The following PHLPP2 variants were observed in gnomAD, a reference collection of about 807,000 sequenced individuals.
The protein encoded by PHLPP2 is PH domain and leucine rich repeat protein phosphatase 2.
A neutral mutation model predicts 124.9 loss-of-function variants in PHLPP2; 66 were observed. The ratio of observed to expected loss-of-function variants is 0.53; its 90% CI spans 0.43 to 0.65. The LOEUF is 0.65. Ranked by LOEUF, PHLPP2 falls within the 30% of genes least tolerant of loss-of-function variation. PHLPP2 has a pLI of 0.00. For missense variants in PHLPP2, 1,685 were observed against 1,600.4 expected (o/e 1.05, Z -0.90); for synonymous variants, 681 against 624.7 (o/e 1.09, Z -1.34).
intron 3 of PHLPP2, among the ~76,000 whole-genome samples, chr16:71,691,261 T>A (rs1010575629): frequency 6.6e-6 from 1 of 152,050 alleles, no homozygotes; most frequent in Admixed American, 6.6e-5. Flanking sequence ...GAGACCATCC[T>A]GGCTAGCACG....
intron 8 of PHLPP2, chr16:71,677,636 A>G (rs993990480): frequency 6.6e-6 from 1 of 151,768 alleles, no homozygotes; most frequent in Non-Finnish European, 1.5e-5. Flanking sequence ...TTTAAAAAAA[A>G]AAAAAAACTC....
chr16:71,688,997 T>C lies in PHLPP2; in HGVS notation c.609+1522A>G, dbSNP rs182204687. 2.6e-5 allele frequency among the ~76,000 whole-genome samples: 4 copies of C among 152,292 alleles called. No individual in the cohort carries two copies. The East Asian group carries it at 5.8e-4, about 22-fold the overall frequency. On this transcript the variant is annotated intron_variant, in intron 4 of 18. Transcript: ENST00000568954. ...AATGGCAGTTATTGTTTTAGCTTTC[T>C]TGCAGAAACAAAAGATACCAACCAG... is the stretch of plus-strand genomic sequence containing the variant.
intron 3 of PHLPP2, among the ~76,000 whole-genome samples, chr16:71,696,755 G>T: frequency 6.6e-6 from 1 of 151,280 alleles, no homozygotes; most frequent in Non-Finnish European, 1.5e-5. Context: ...TTATATTTTT[G>T]CCACTTTCGT....
chr16:71,717,906 T>C, intron 1 of PHLPP2, among the ~76,000 whole-genome samples: 1 of 152,146 alleles, frequency 6.6e-6, no homozygotes, highest in East Asian at 1.9e-4. Flanking sequence ...GTTTTGTTTG[T>C]TTTGAGACAC....
At chr16:71,654,317 A>C (rs1036413322) in intron 17 of PHLPP2, among the ~76,000 whole-genome samples, 9 of 151,602 alleles carry the variant, frequency 5.9e-5, no homozygotes, top group Admixed American at 2.0e-4. Flanking sequence ...TTATCGGTCC[A>C]CCTGACATGC....
chr16:71,716,272 C>A (rs1451658108), intron 1 of PHLPP2, among the ~76,000 whole-genome samples: 1 of 152,174 alleles, frequency 6.6e-6, no homozygotes, highest in African/African-American at 2.4e-5. Context: ...CATTTTTGTA[C>A]ATGTCTCCTT....
At chr16:71,685,892 G>A (rs2045050918) in intron 4 of PHLPP2, among the ~76,000 whole-genome samples, 1 of 151,978 alleles carries the variant, frequency 6.6e-6, no homozygotes, top group Non-Finnish European at 1.5e-5. Context: ...ATATAACTTT[G>A]GAATTATTAA....
Position 71,724,597 on chromosome 16 carries a change from G to C in PHLPP2, c.-275C>G, listed in dbSNP as rs2045421105. The C allele has an allele frequency of 6.6e-6, 1 of 152,094 alleles. No homozygotes were observed. The highest frequency in any genetic ancestry group is 2.1e-4 in the South Asian group (1 of 4,818). The allele number at this position is 152,094 out of a possible 1,614,324, so 9.4% of individuals were successfully genotyped here. A position where few individuals can be genotyped will look rare whatever the true frequency, so the allele number is the denominator to read the frequency against. On this transcript the variant is annotated 5_prime_UTR_variant, in exon 1 of 19. Coordinates refer to ENST00000568954, the MANE Select transcript of PHLPP2 (RefSeq NM_015020.3). ...TTTTCTTTGTTTTGTTTTTCTTTTC[G>C]TTCTCGCAGTGATAGTAGTTTTGTT... is the stretch of plus-strand genomic sequence containing the variant.
intron 17 of PHLPP2, among the ~76,000 whole-genome samples, chr16:71,654,624 G>A (rs1006738261): frequency 1.5e-4 from 23 of 152,150 alleles, no homozygotes; most frequent in Admixed American, 1.2e-3. Flanking sequence ...TGGGGTAAGC[G>A]TTCTGAGCAC....
chr16:71,686,428 C>G (rs1405113316), intron 4 of PHLPP2, among the ~76,000 whole-genome samples: 1 of 152,118 alleles, frequency 6.6e-6, no homozygotes, highest in Non-Finnish European at 1.5e-5. Flanking sequence ...CCTGCCTCAG[C>G]CTCCCAAAGT....
chr16:71,661,307 G>A (rs2044788190), intron 13 of PHLPP2, among the ~76,000 whole-genome samples: 2 of 152,112 alleles, frequency 1.3e-5, no homozygotes, highest in South Asian at 2.1e-4. Flanking sequence ...CTGATCTCAC[G>A]TGATCCACCC....
At chr16:71,674,232 C>T (rs2044923012) in intron 9 of PHLPP2, among the ~76,000 whole-genome samples, 1 of 152,116 alleles carries the variant, frequency 6.6e-6, no homozygotes, top group South Asian at 2.1e-4. Context: ...CACGCGCCAC[C>T]ATGCCCAGCT....
chr16:71,659,877 A>G (rs1328258317), intron 13 of PHLPP2, among the ~76,000 whole-genome samples: 1 of 152,230 alleles, frequency 6.6e-6, no homozygotes, highest in Non-Finnish European at 1.5e-5. Context: ...AATCTGAAAG[A>G]ATCACTTTTA....
At chr16:71,679,865 G>A (rs1237486815) in intron 6 of PHLPP2, among the ~76,000 whole-genome samples, 3 of 152,140 alleles carry the variant, frequency 2.0e-5, no homozygotes, top group South Asian at 2.1e-4. Flanking sequence ...GGTGGATCAC[G>A]AGGTTAGGAG....
At chr16:71,659,120 G>C (rs903679144) in intron 13 of PHLPP2, among the ~76,000 whole-genome samples, 18 of 152,106 alleles carry the variant, frequency 1.2e-4, no homozygotes, top group African/African-American at 4.3e-4. Context: ...CTCAAGTTGG[G>C]GGATTAGTCT....
intron 4 of PHLPP2, among the ~76,000 whole-genome samples, chr16:71,685,227 T>G (rs1453817626): frequency 1.3e-5 from 2 of 152,180 alleles, no homozygotes; most frequent in Non-Finnish European, 2.9e-5. Flanking sequence ...CTTGGGAGGC[T>G]GAGGCAGGAG....
rs570581294 is a variant in PHLPP2 at position 71,684,583 on chromosome 16, G to T, written c.628C>A (p.Arg210=). The T allele has an allele frequency of 1.2e-6, 2 of 1,612,832 alleles. No homozygotes were observed. Among genetic ancestry groups the T allele is most frequent in the Admixed American group, 3.3e-5 (2 of 59,942 alleles). The change falls in exon 5 of 19, where the codon CGG becomes AGG. Residue 210 remains arginine, a synonymous_variant. Coordinates refer to ENST00000568954, the MANE Select transcript of PHLPP2 (RefSeq NM_015020.3). The stretch of plus-strand genomic sequence containing the variant: ...GAGCTGAAAGCAAGGGAGTATTGCC[G>T]TCGCTTCACTTCTTCTATCTGAAGA... ...VGGKIEEVKR[R]QYSLAFSSAG... is the part of the protein sequence containing the mutation.
In PHLPP2 at chr16:71,723,021, A is replaced by G. The variant is rs368022470; in HGVS notation, c.-7+1308T>C. On this transcript the variant is annotated intron_variant, in intron 1 of 18. Transcript: ENST00000568954. Reference sequence around the variant, plus strand: ...CCCACTCCCCCAATTCCTGCCAAGAAGCCCCGCTAGCTGCCTGTTGCATAA... The same window carrying G: ...CCCACTCCCCCAATTCCTGCCAAGAGGCCCCGCTAGCTGCCTGTTGCATAA... 1.3e-4 allele frequency among the ~76,000 whole-genome samples: 20 copies of G among 152,334 alleles called. No homozygotes were observed. The East Asian group carries it at 3.7e-3, about 28-fold the overall frequency.
At chr16:71,664,317 A>T (rs1259137146) in intron 12 of PHLPP2, 3 of 579,614 alleles carry the variant, frequency 5.2e-6, no homozygotes, top group Middle Eastern at 9.2e-4. Context: ...AAAAAGTACA[A>T]GCCTGGTTGT....
Sources: allele counts gnomAD v4.1 joint callset (sites outside exome capture counted in the v4.1 genomes callset), GRCh38; gene constraint gnomAD v4.1.1; transcripts MANE v1.5; gene names NCBI Gene and HGNC (gene_info 2026-07-23, HGNC 2026-07-21).